Variants in PARP8 observed in about 807,000 individuals in gnomAD.
PARP8 encodes the protein poly(ADP-ribose) polymerase family member 8, also known as protein mono-ADP-ribosyltransferase PARP8.
In PARP8, 51 loss-of-function variants were observed where a neutral mutation model predicts 124.1. The observed-to-expected ratio is 0.41, with a 90% CI of 0.33 to 0.52. The LOEUF is 0.52. Among genes scored for constraint, PARP8 ranks in the 20% least tolerant of loss-of-function variants. The pLI is 0.21. For missense variants in PARP8, 860 were observed against 1,018.9 expected (o/e 0.84, Z 2.12); for synonymous variants, 391 against 361.5 (o/e 1.08, Z -0.93).
chr5:50,728,254 C>T (rs1290365890), intron 2 of PARP8, among the ~76,000 whole-genome samples: 1 of 152,072 alleles, frequency 6.6e-6, no homozygotes, highest in African/African-American at 2.4e-5. Context: ...AGTGCAGAAG[C>T]TTCATTGATA....
At chr5:50,715,161 T>A (rs1312412860) in intron 2 of PARP8, among the ~76,000 whole-genome samples, 1 of 152,076 alleles carries the variant, frequency 6.6e-6, no homozygotes, top group African/African-American at 2.4e-5. Context: ...AAAAGACTGC[T>A]GCAAACAGTA....
At chr5:50,703,987 A>T (rs1049872713) in intron 2 of PARP8, among the ~76,000 whole-genome samples, 1 of 152,182 alleles carries the variant, frequency 6.6e-6, no homozygotes, top group African/African-American at 2.4e-5. Context: ...GCAAGATATA[A>T]AATTCAATTG....
At chr5:50,770,603 AGAAAG>A (rs1761509745) in intron 7 of PARP8, among the ~76,000 whole-genome samples, 1 of 151,784 alleles carries the variant, frequency 6.6e-6, no homozygotes, top group Admixed American at 6.6e-5. Flanking sequence ...AGAAAGAAAA[AGAAAG>A]GAAGGAAGGA....
intron 2 of PARP8, among the ~76,000 whole-genome samples, chr5:50,702,255 C>T (rs1010925309): frequency 2.0e-5 from 3 of 152,034 alleles, no homozygotes; most frequent in African/African-American, 7.2e-5. Context: ...ATAAGTATTA[C>T]ATCACAGTTG....
intron 3 of PARP8, among the ~76,000 whole-genome samples, chr5:50,754,148 T>TATATATATATATAA (rs1554055387): frequency 4.5e-5 from 1 of 22,432 alleles, no homozygotes; most frequent in Non-Finnish European, 9.6e-5. Context: ...TATATATATA[T>TATATATATATATAA]ATACACACAC....
At chr5:50,823,381 A>T (rs1745985008) in intron 17 of PARP8, among the ~76,000 whole-genome samples, 1 of 152,228 alleles carries the variant, frequency 6.6e-6, no homozygotes. Flanking sequence ...TCGTTCATTC[A>T]CTCAATAAAT....
intron 7 of PARP8, among the ~76,000 whole-genome samples, chr5:50,774,083 A>G (rs1188324137): frequency 1.3e-5 from 2 of 152,172 alleles, no homozygotes; most frequent in Admixed American, 6.5e-5. Context: ...AACAAAGCAC[A>G]TCTTGCACTG....
At chr5:50,754,152 C>T (rs13436266) in intron 3 of PARP8, among the ~76,000 whole-genome samples, 6,280 of 41,686 alleles carry the variant, frequency 0.15, 409 homozygotes, top group Non-Finnish European at 0.18. Flanking sequence ...TATATATATA[C>T]ACACACACAC....
chr5:50,757,252 A>G (rs1760067432), intron 3 of PARP8: 1 of 439,290 alleles, frequency 2.3e-6, no homozygotes, highest in African/African-American at 2.0e-5. Context: ...CTAGAGACCT[A>G]TCAAGACTGA....
Position 50,713,305 on chromosome 5 carries a change from A to C in PARP8, c.147-36846A>C, listed in dbSNP as rs142674699. ...GCCCAGGCTGGAGTGCAGTGGTGTG[A>C]TCTTGGTTCACCACAACCTTGGCCT... On this transcript the variant is annotated intron_variant, in intron 2 of 25. Transcript: ENST00000281631. 2.6e-4 allele frequency among the ~76,000 whole-genome samples: 40 copies of C among 152,006 alleles called. No homozygotes were observed. The East Asian group carries it at 7.8e-3, about 29-fold the overall frequency.
At chr5:50,827,590 C>T (rs1746491077) in intron 19 of PARP8, among the ~76,000 whole-genome samples, 1 of 152,058 alleles carries the variant, frequency 6.6e-6, no homozygotes, top group African/African-American at 2.4e-5. Flanking sequence ...CTAGTATATA[C>T]TTAGGGACTC....
intron 2 of PARP8, among the ~76,000 whole-genome samples, chr5:50,742,628 G>A (rs556156534): frequency 7.2e-5 from 11 of 152,272 alleles, no homozygotes; most frequent in African/African-American, 2.2e-4. Context: ...GTGAAAATTT[G>A]CAAAAACAAC....
chr5:50,779,217 A>G (rs1740384304), intron 9 of PARP8, among the ~76,000 whole-genome samples: 1 of 151,930 alleles, frequency 6.6e-6, no homozygotes. Context: ...ATGCATGCAC[A>G]CACACGCATG....
At chr5:50,768,629 A>G (rs1761287036) in intron 7 of PARP8, among the ~76,000 whole-genome samples, 1 of 152,230 alleles carries the variant, frequency 6.6e-6, no homozygotes, top group Non-Finnish European at 1.5e-5. Flanking sequence ...GAGTTATTAT[A>G]TACCGAATAC....
chr5:50,809,192 G>A (rs562186165), intron 14 of PARP8, among the ~76,000 whole-genome samples: 5 of 151,970 alleles, frequency 3.3e-5, no homozygotes, highest in South Asian at 2.1e-4. Context: ...CTCAATGAAC[G>A]GTACACCTTT....
intron 8 of PARP8, among the ~76,000 whole-genome samples, 174 bp downstream of exon 8, chr5:50,778,303 CAT>C (rs1291273844): frequency 6.6e-6 from 1 of 152,088 alleles, no homozygotes; most frequent in African/African-American, 2.4e-5. Context: ...ATTTTGTAAA[CAT>C]ATATTTGCAT....
intron 14 of PARP8, among the ~76,000 whole-genome samples, chr5:50,811,948 A>C (rs1385448986): frequency 3.3e-5 from 5 of 152,182 alleles, no homozygotes; most frequent in Admixed American, 3.3e-4. Flanking sequence ...ATAGTATTCC[A>C]TGGTGTATAT....
At chr5:50,717,568 T>C (rs1018431255) in intron 2 of PARP8, among the ~76,000 whole-genome samples, 2 of 151,594 alleles carry the variant, frequency 1.3e-5, no homozygotes, top group African/African-American at 4.8e-5. Context: ...AGCCCAAGAG[T>C]AGATGATACA....
chr5:50,802,345 G>T (rs181861199), intron 14 of PARP8, among the ~76,000 whole-genome samples: 2 of 152,068 alleles, frequency 1.3e-5, no homozygotes, highest in East Asian at 3.9e-4. Context: ...GACAGATCTT[G>T]CTCTGTCCTC....
Sources: allele counts gnomAD v4.1 joint callset (sites outside exome capture counted in the v4.1 genomes callset), GRCh38; gene constraint gnomAD v4.1.1; transcripts MANE v1.5; gene names NCBI Gene and HGNC (gene_info 2026-07-23, HGNC 2026-07-21).